Variants in MDH2 observed in about 807,000 individuals in gnomAD.
The protein encoded by MDH2 is malate dehydrogenase, mitochondrial.
MDH2 carries 25 observed loss-of-function variants against 33.6 expected under a neutral mutation model. The ratio of observed to expected loss-of-function variants is 0.74; its 90% CI spans 0.54 to 1.04. The LOEUF (loss-of-function observed/expected upper bound fraction) is 1.04, where lower values mean the gene tolerates loss of function less well. MDH2 is among the 50% of genes least tolerant of loss of function. MDH2 has a pLI of 0.00. For synonymous variants in MDH2, 193 were observed against 188.7 expected (o/e 1.02, Z -0.19); for missense variants, 432 against 445.0 (o/e 0.97, Z 0.26).
intron 1 of MDH2, among the ~76,000 whole-genome samples, chr7:76,053,812 C>T (rs1446201714): frequency 6.6e-6 from 1 of 152,112 alleles, no homozygotes; most frequent in Non-Finnish European, 1.5e-5. Context: ...GAAACAAGCT[C>T]CCTGGGTATG....
chr7:76,049,902 G>A (rs1797560381), intron 1 of MDH2, among the ~76,000 whole-genome samples: 1 of 152,162 alleles, frequency 6.6e-6, no homozygotes, highest in South Asian at 2.1e-4. Flanking sequence ...CGTGATCTCG[G>A]TTCACTGCAG....
Position 76,054,976 on chromosome 7 carries a change from C to T in MDH2, c.213C>T (p.Ile71=), listed in dbSNP as rs1554586024. The T allele has an allele frequency of 3.1e-6, 5 of 1,613,804 alleles. No homozygotes were observed. In the Admixed American group the frequency reaches 5.0e-5, roughly 16 times the overall value. The part of the protein sequence containing the change: ...TPGVAADLSH[I]ETKAAVKGYL... ...GAGTGGCCGCAGATCTGAGCCACAT[C>T]GAGACCAAAGCCGCTGTGAAAGGTA... The change falls in exon 2 of 9, where the codon ATC becomes ATT. Residue 71 remains isoleucine (I), a synonymous_variant. Coordinates refer to ENST00000315758, the MANE Select transcript of MDH2 (RefSeq NM_005918.4).
At chr7:76,061,603 G>A (rs1183385606) in intron 5 of MDH2, among the ~76,000 whole-genome samples, 2 of 151,928 alleles carry the variant, frequency 1.3e-5, no homozygotes, top group Non-Finnish European at 2.9e-5. Context: ...TTGCGCCACT[G>A]CGCTCCAGCC....
chr7:76,061,771 C>T (rs1797959271), intron 5 of MDH2, among the ~76,000 whole-genome samples: 1 of 152,070 alleles, frequency 6.6e-6, no homozygotes, highest in Admixed American at 6.5e-5. Flanking sequence ...AGAGGCGCAG[C>T]CCCTGGCGTC....
intron 1 of MDH2, among the ~76,000 whole-genome samples, chr7:76,052,430 CAAAAAAAAAA>C (rs57185949): frequency 8.5e-5 from 11 of 128,714 alleles, no homozygotes; most frequent in Admixed American, 1.5e-4. Flanking sequence ...GACCCTATCT[CAAAAAAAAAA>C]AAAAAAAAAA....
At position 76,048,988 on chromosome 7, in the gene MDH2, G is replaced by GGGGGT. The variant is rs1585393802; in HGVS notation, c.66+766_66+767insTGGGG. On this transcript the variant is annotated intron_variant, in intron 1 of 8. Transcript: ENST00000315758. ...TGAAGAAGCTTAAGACTGCGGGGGG[G>GGGGGT]GGGGGGGGGGTCCGCATTTTTACCA... The GGGGGT allele has an allele frequency of 4.9e-4, 22 of 44,984 alleles. 1 individual carries two copies. The highest frequency in any genetic ancestry group is 5.4e-3 in the East Asian group (1 of 184). The allele number at this position is 44,984 out of a possible 1,614,324, so 2.8% of individuals were successfully genotyped here.
chr7:76,063,686 G>A lies in MDH2; in HGVS notation c.633+94G>A. 6 of 1,292,566 alleles carry A rather than the reference G, an allele frequency of 4.6e-6. No individual in the cohort carries two copies. The South Asian group carries it at 6.0e-5, about 13-fold the overall frequency. The allele number at this position is 1,292,566 out of a possible 1,614,324, so 80.1% of individuals were successfully genotyped here. A position where few individuals can be genotyped will look rare whatever the true frequency, so the allele number is the denominator to read the frequency against. ...GATCCCGGTAGACTGGAGAAGGCCT[G>A]GCCACGTGCCAGGTTTTGGAAGGGC... On this transcript the variant is annotated intron_variant, in intron 6 of 8. Coordinates refer to ENST00000315758, the MANE Select transcript of MDH2 (RefSeq NM_005918.4).
At position 76,057,441 on chromosome 7, in the gene MDH2, C is replaced by T; in HGVS notation, c.267C>T (p.Cys89=). ...TCGGACCTGAACAGCTGCCTGACTG[C>T]CTGAAAGGTTGTGATGTGGTAGTTA... ...GYLGPEQLPD[C]LKGCDVVVIP... Residue 89 remains cysteine (C), a synonymous_variant, in exon 3 of 9, where the codon TGC becomes TGT. Coordinates refer to ENST00000315758, the MANE Select transcript of MDH2 (RefSeq NM_005918.4). 1 of 1,614,134 alleles carries T rather than the reference C, an allele frequency of 6.2e-7. No individual in the cohort carries two copies. The highest frequency in any genetic ancestry group is 8.5e-7 in the Non-Finnish European group (1 of 1,180,042).
chr7:76,052,430 CAAAA>C (rs57185949), intron 1 of MDH2, among the ~76,000 whole-genome samples: 1 of 128,754 alleles, frequency 7.8e-6, no homozygotes. Context: ...GACCCTATCT[CAAAA>C]AAAAAAAAAA....
intron 5 of MDH2, among the ~76,000 whole-genome samples, chr7:76,062,445 G>A (rs1408928471): frequency 3.9e-5 from 6 of 152,218 alleles, no homozygotes; most frequent in Non-Finnish European, 4.4e-5. Flanking sequence ...CGGATCTTTG[G>A]CTCCCGGCTC....
chr7:76,048,609 C>T, intron 1 of MDH2: 1 of 1,290,710 alleles, frequency 7.7e-7, no homozygotes, highest in African/African-American at 1.5e-5. Context: ...AATCTCCTTG[C>T]AGCATCCGTG....
Position 76,063,856 on chromosome 7 carries a change from C to T in MDH2, c.633+264C>T, listed in dbSNP as rs1019021064. Among the ~76,000 whole-genome samples, 7 of 152,284 alleles carry T rather than the reference C, an allele frequency of 4.6e-5. No individual in the cohort carries two copies. In the East Asian group the frequency reaches 9.7e-4, roughly 21 times the overall value. On this transcript the variant is annotated intron_variant, in intron 6 of 8. Coordinates refer to ENST00000315758, the MANE Select transcript of MDH2 (RefSeq NM_005918.4). ...CACCGGGTTACTGGTTAGGCCGGAG[C>T]GGGCGAGGTGCTTTTTTCAAAAATG...
chr7:76,048,926 A>T, intron 1 of MDH2: 18 of 990,364 alleles, frequency 1.8e-5, no homozygotes, highest in Non-Finnish European at 2.1e-5. Context: ...TGTCAGAATC[A>T]CCAGAAAGCT....
At chr7:76,048,995 G>A in intron 1 of MDH2, 1 of 335,200 alleles carries the variant, frequency 3.0e-6, no homozygotes, top group South Asian at 1.5e-4. Flanking sequence ...GGGGGGGGGG[G>A]GGGTCCGCAT....
chr7:76,064,490 C>G (rs782687137), intron 7 of MDH2, 52 bp downstream of exon 7: 1 of 1,469,410 alleles, frequency 6.8e-7, no homozygotes, highest in Admixed American at 1.9e-5. Context: ...CCTGCGAGAG[C>G]TCAGGGTTGG....
chr7:76,064,372 C>G lies in MDH2; in HGVS notation c.667C>G (p.Leu223Val). The G allele has an allele frequency of 6.2e-7, 1 of 1,613,528 alleles. No individual in the cohort carries two copies. Among genetic ancestry groups the G allele is most frequent in the Non-Finnish European group, 8.5e-7 (1 of 1,179,880 alleles). Residue 223 changes from leucine to valine, a missense_variant, in exon 7 of 9, where the codon CTG becomes GTG. Coordinates refer to ENST00000315758, the MANE Select transcript of MDH2 (RefSeq NM_005918.4). The part of the protein sequence containing the change: ...TPKVDFPQDQ[L>V]TALTGRIQEA... ...CAAGGTGGACTTTCCCCAGGACCAG[C>G]TGACAGCACTCACTGGGCGGATCCA... is the stretch of plus-strand genomic sequence containing the variant.
intron 5 of MDH2, among the ~76,000 whole-genome samples, chr7:76,062,826 T>C (rs1370432176): frequency 1.3e-5 from 2 of 151,990 alleles, no homozygotes; most frequent in Non-Finnish European, 2.9e-5. Flanking sequence ...GATCATTGAG[T>C]CCAGGAGGCA....
At chr7:76,059,426 T>G (rs887997943) in intron 4 of MDH2, among the ~76,000 whole-genome samples, 3 of 152,180 alleles carry the variant, frequency 2.0e-5, no homozygotes, top group Non-Finnish European at 2.9e-5. Flanking sequence ...TCACACACAG[T>G]CGCGGACACA....
At chr7:76,048,955 G>A (rs1272032147) in intron 1 of MDH2, 1 of 718,938 alleles carries the variant, frequency 1.4e-6, no homozygotes, top group Non-Finnish European at 1.7e-6. Flanking sequence ...ACAGACGTCT[G>A]GGTTCATTGA....
Sources: gnomAD v4.1 joint callset for allele counts (sites outside exome capture counted in the v4.1 genomes callset) on GRCh38, gnomAD v4.1.1 for gene constraint, MANE v1.5 for transcripts, NCBI Gene and HGNC (gene_info 2026-07-23, HGNC 2026-07-21) for gene names.